PLPBP: variants seen among roughly 807,000 people sequenced by gnomAD.
PLPBP encodes the protein pyridoxal phosphate homeostasis protein.
Under a neutral mutation model 31.2 loss-of-function variants are expected in PLPBP, and 21 were observed. The observed-to-expected ratio is 0.67, with a 90% CI of 0.48 to 0.97. The LOEUF (loss-of-function observed/expected upper bound fraction) is 0.97. Among genes scored for constraint, PLPBP ranks in the 50% least tolerant of loss-of-function variants. The pLI is 0.00. For missense variants in PLPBP, 308 were observed against 354.4 expected (o/e 0.87, Z 1.05); for synonymous variants, 124 against 135.6 (o/e 0.91, Z 0.59).
At chr8:37,770,792 G>A (rs1467815696) in intron 4 of PLPBP, among the ~76,000 whole-genome samples, 1 of 151,160 alleles carries the variant, frequency 6.6e-6, no homozygotes, top group Non-Finnish European at 1.5e-5. Context: ...GGCCAGGCTG[G>A]TCTCCAATTC....
At position 37,765,691 on chromosome 8, in the gene PLPBP, G is replaced by C. The variant is rs538487312; in HGVS notation, c.208-20G>C. 1.7e-5 allele frequency: 27 copies of C among 1,614,186 alleles called. No homozygotes were observed. The East Asian group carries it at 6.0e-4, about 36-fold the overall frequency. On this transcript the variant is annotated intron_variant, in intron 2 of 7. Transcript: ENST00000328195. ...ATCATGATTGCCAGGCTTCTGACTT[G>C]TTCTGTTTTGACCTTTTAGGTTCAG...
chr8:37,763,640 T>C (rs1410476455), intron 1 of PLPBP, among the ~76,000 whole-genome samples: 6 of 152,200 alleles, frequency 3.9e-5, no homozygotes, highest in African/African-American at 1.4e-4. Flanking sequence ...CTTCCCCTAA[T>C]AAACATCACC....
At chr8:37,770,535 C>G (rs1186487627) in intron 4 of PLPBP, among the ~76,000 whole-genome samples, 1 of 152,136 alleles carries the variant, frequency 6.6e-6, no homozygotes, top group African/African-American at 2.4e-5. Context: ...TAAAAGAAAA[C>G]ATTGGGGAAA....
chr8:37,777,411 C>G (rs918486786), intron 7 of PLPBP, among the ~76,000 whole-genome samples: 1 of 152,088 alleles, frequency 6.6e-6, no homozygotes, highest in Admixed American at 6.5e-5. Context: ...TCCTTGACCC[C>G]CTCCGAGCTG....
intron 4 of PLPBP, among the ~76,000 whole-genome samples, chr8:37,771,415 C>T (rs1180730565): frequency 6.6e-6 from 1 of 152,022 alleles, no homozygotes; most frequent in African/African-American, 2.4e-5. Context: ...GCTGGGATTA[C>T]AGGCGTGAGC....
At chr8:37,764,130 T>G (rs1174864196) in intron 1 of PLPBP, among the ~76,000 whole-genome samples, 1 of 151,068 alleles carries the variant, frequency 6.6e-6, no homozygotes, top group Non-Finnish European at 1.5e-5. Context: ...TGAGACAGAG[T>G]CTCGTTCTGT....
chr8:37,767,223 A>G (rs1437191231), intron 4 of PLPBP, among the ~76,000 whole-genome samples: 1 of 152,134 alleles, frequency 6.6e-6, no homozygotes, highest in Non-Finnish European at 1.5e-5. Context: ...GCACATATTT[A>G]AAGTATAGAA....
At chr8:37,775,615 A>C in intron 6 of PLPBP, 134 bp downstream of exon 6, 1 of 1,346,302 alleles carries the variant, frequency 7.4e-7, no homozygotes, top group South Asian at 1.4e-5. Flanking sequence ...CCTCTTTTGA[A>C]CTCTTCTCAG....
chr8:37,767,741 A>T (rs1228506551), intron 4 of PLPBP, among the ~76,000 whole-genome samples: 1 of 151,722 alleles, frequency 6.6e-6, no homozygotes, highest in African/African-American at 2.4e-5. Flanking sequence ...TGTTATGTTT[A>T]ACTTTTTATA....
At chr8:37,762,833 C>T in intron 1 of PLPBP, 75 bp downstream of exon 1, 1 of 1,496,510 alleles carries the variant, frequency 6.7e-7, no homozygotes, top group Non-Finnish European at 8.9e-7. Context: ...AATGGGTCGT[C>T]ACGGTGACGC....
chr8:37,778,900 C>A lies in PLPBP; in HGVS notation c.*796C>A, dbSNP rs1803986013. 1 of 151,268 alleles carries A rather than the reference C, an allele frequency of 6.6e-6. No individual in the cohort carries two copies. The highest frequency in any genetic ancestry group is 2.4e-5 in the African/African-American group (1 of 41,020). 9.4% of individuals were successfully genotyped at this position (151,268 alleles called of 1,614,324 possible). ...GAGGCTGCAGTGAGCTATGATTGCA[C>A]CACTGTACTCCTGCCTTAAAAAAAA... On this transcript the variant is annotated 3_prime_UTR_variant, in exon 8 of 8. Transcript: ENST00000328195.
At chr8:37,765,870 G>A (rs1803613955) in intron 3 of PLPBP, 124 bp downstream of exon 3, 1 of 1,002,708 alleles carries the variant, frequency 1.0e-6, no homozygotes, top group African/African-American at 1.6e-5. Flanking sequence ...ATTGGGCCAG[G>A]GATAGAAATG....
chr8:37,779,102 C>T lies in PLPBP; in HGVS notation c.*998C>T, dbSNP rs1165971976. ...GTAGTGAGAGCTTGTGTCACTGCCA[C>T]TCTGTTTTATCCCTGAAATTAAAGG... On this transcript the variant is annotated 3_prime_UTR_variant, in exon 8 of 8. Coordinates refer to ENST00000328195, the MANE Select transcript of PLPBP (RefSeq NM_007198.4). 1 of 152,098 alleles carries T rather than the reference C, an allele frequency of 6.6e-6. No homozygotes were observed. Among genetic ancestry groups the T allele is most frequent in the Non-Finnish European group, 1.5e-5 (1 of 68,024 alleles). 9.4% of individuals were successfully genotyped at this position (152,098 alleles called of 1,614,324 possible).
chr8:37,764,251 C>T (rs1029188661), intron 1 of PLPBP, among the ~76,000 whole-genome samples: 28 of 151,974 alleles, frequency 1.8e-4, no homozygotes, highest in African/African-American at 6.0e-4. Flanking sequence ...TACAGGCACA[C>T]ACCACCACAC....
At chr8:37,769,526 A>G (rs1014944483) in intron 4 of PLPBP, among the ~76,000 whole-genome samples, 26 of 150,708 alleles carry the variant, frequency 1.7e-4, no homozygotes, top group African/African-American at 5.7e-4. Context: ...GTTTATAGGG[A>G]AAAAAAATAG....
intron 4 of PLPBP, among the ~76,000 whole-genome samples, chr8:37,768,465 CTT>C (rs903134254): frequency 4.6e-3 from 355 of 76,770 alleles, no homozygotes; most frequent in African/African-American, 0.017. Context: ...TTTTGATTTT[CTT>C]TTTTTTTTTT....
chr8:37,771,700 G>A (rs191135212), intron 4 of PLPBP, among the ~76,000 whole-genome samples: 12 of 151,994 alleles, frequency 7.9e-5, no homozygotes, highest in South Asian at 2.1e-4. Context: ...AGTGGCTCAC[G>A]CCTGTAATCC....
At chr8:37,767,474 C>G (rs1395537238) in intron 4 of PLPBP, among the ~76,000 whole-genome samples, 1 of 152,128 alleles carries the variant, frequency 6.6e-6, no homozygotes, top group Admixed American at 6.5e-5. Context: ...TGACTTCTTT[C>G]ATTCAGTGTA....
Position 37,773,176 on chromosome 8 carries a change from T to G in PLPBP, c.454+287T>G, listed in dbSNP as rs867758401. ...ATTGTGACTTCGTTTTGTATTTTTGTTTTTTTTTTGAGATGGAGTCTTGCT... is the reference window on the plus strand; with the variant it reads ...ATTGTGACTTCGTTTTGTATTTTTGGTTTTTTTTTGAGATGGAGTCTTGCT... On this transcript the variant is annotated intron_variant, in intron 5 of 7. Transcript: ENST00000328195. Among the ~76,000 whole-genome samples the G allele has an allele frequency of 5.9e-5, 8 of 136,426 alleles. 1 individual carries two copies. Among genetic ancestry groups the G allele is most frequent in the African/African-American group, 1.4e-4 (4 of 29,128 alleles). 89.5% of individuals were successfully genotyped at this position (136,426 alleles called of 152,430 possible).
Sources: allele counts gnomAD v4.1 joint callset (sites outside exome capture counted in the v4.1 genomes callset), GRCh38; gene constraint gnomAD v4.1.1; transcripts MANE v1.5; gene names NCBI Gene and HGNC (gene_info 2026-07-23, HGNC 2026-07-21).